The following KAT6B variants were observed in gnomAD, a reference collection of about 807,000 sequenced individuals.
KAT6B encodes histone acetyltransferase KAT6B.
Under a neutral mutation model 187.5 loss-of-function variants are expected in KAT6B, and 10 were observed. That is an observed-to-expected ratio of 0.05 (90% CI 0.03 to 0.09). The LOEUF (loss-of-function observed/expected upper bound fraction) is 0.09. Ranked by LOEUF, KAT6B falls within the 10% of genes least tolerant of loss-of-function variation. The pLI, the probability that KAT6B is intolerant of heterozygous loss-of-function variation, is 1.00. For synonymous variants in KAT6B, 861 were observed against 926.8 expected (o/e 0.93, Z 1.29); for missense variants, 1,952 against 2,558.9 (o/e 0.76, Z 5.12).
intron 3 of KAT6B, among the ~76,000 whole-genome samples, chr10:74,847,919 T>C (rs1220370601): frequency 2.0e-5 from 3 of 149,356 alleles, no homozygotes; most frequent in Non-Finnish European, 4.4e-5. Flanking sequence ...TTTTTCTTTT[T>C]CTTTTTTTTT....
chr10:74,863,709 T>A (rs1346073934), intron 3 of KAT6B, among the ~76,000 whole-genome samples: 1 of 152,218 alleles, frequency 6.6e-6, no homozygotes, highest in African/African-American at 2.4e-5. Context: ...TTGGACATTT[T>A]AAAATGATTA....
intron 1 of KAT6B, among the ~76,000 whole-genome samples, chr10:74,830,770 T>TATATATATA (rs60886313): frequency 2.1e-3 from 20 of 9,630 alleles, no homozygotes; most frequent in African/African-American, 5.4e-3. Context: ...ATATATATAT[T>TATATATATA]TTTTTTTTTT....
At chr10:74,944,844 A>G (rs1056891979) in intron 3 of KAT6B, among the ~76,000 whole-genome samples, 3 of 150,466 alleles carry the variant, frequency 2.0e-5, no homozygotes, top group Non-Finnish European at 4.4e-5. Context: ...GGATATGCAT[A>G]TTAAAATCAC....
In KAT6B at chr10:75,020,662, G is replaced by A. The variant is rs780315857; in HGVS notation, c.2710G>A (p.Ala904Thr). 1 of 1,614,206 alleles carries A rather than the reference G, an allele frequency of 6.2e-7. No homozygotes were observed. The highest frequency in any genetic ancestry group is 8.5e-7 in the Non-Finnish European group (1 of 1,180,026). The change falls in exon 14 of 18, where the codon GCA becomes ACA. Residue 904 changes from alanine to threonine, a missense_variant. Ala to Thr is a moderately conservative substitution (Grantham distance 58). Transcript: ENST00000287239. ...CGATCTGGGCCGTCTCTCCTACCTG[G>A]CATATTGGAAGAGCGTCATCTTGGA... The part of the protein sequence containing the change: ...LSDLGRLSYL[A>T]YWKSVILEYL...
chr10:74,985,304 T>C (rs1842741163), intron 12 of KAT6B, 63 bp downstream of exon 12: 1 of 1,480,136 alleles, frequency 6.8e-7, no homozygotes, highest in African/African-American at 1.4e-5. Context: ...AGAGCCCAAT[T>C]CTTTGAACAG....
intron 10 of KAT6B, among the ~76,000 whole-genome samples, chr10:74,981,110 A>G (rs1358310874): frequency 6.6e-6 from 1 of 152,242 alleles, no homozygotes; most frequent in Non-Finnish European, 1.5e-5. Context: ...CCTTGACAGG[A>G]TGATATCCTT....
chr10:74,862,750 G>A (rs1402984455), intron 3 of KAT6B, among the ~76,000 whole-genome samples: 1 of 152,104 alleles, frequency 6.6e-6, no homozygotes, highest in African/African-American at 2.4e-5. Context: ...TGACTAATAG[G>A]GATGATAATA....
chr10:74,867,064 CATT>C (rs1480276640), intron 3 of KAT6B, among the ~76,000 whole-genome samples: 1 of 152,056 alleles, frequency 6.6e-6, no homozygotes, highest in Non-Finnish European at 1.5e-5. Context: ...TTATCATCAT[CATT>C]ATTATTATTT....
At chr10:74,875,377 C>G (rs1367389724) in intron 3 of KAT6B, among the ~76,000 whole-genome samples, 3 of 151,892 alleles carry the variant, frequency 2.0e-5, no homozygotes, top group African/African-American at 7.3e-5. Context: ...TTAAAGCAAT[C>G]TTGAATAGTG....
intron 3 of KAT6B, among the ~76,000 whole-genome samples, chr10:74,910,409 A>G (rs1053614233): frequency 6.6e-6 from 1 of 152,188 alleles, no homozygotes; most frequent in African/African-American, 2.4e-5. Context: ...TCCTATGTTG[A>G]AGTTTTCAAC....
At position 74,843,024 on chromosome 10, in the gene KAT6B, A is replaced by G. The variant is rs377714508; in HGVS notation, c.167A>G (p.Gln56Arg). 1.2e-6 allele frequency: 2 copies of G among 1,614,122 alleles called. No homozygotes were observed. The highest frequency in any genetic ancestry group is 2.7e-5 in the African/African-American group (2 of 74,942). ...TVSEQLELSV[Q>R]DGSVLKVTNK... ...TCTGAACAGCTGGAACTCAGTGTTC[A>G]GGATGGCTCAGTTCTCAAAGTCACC... is the stretch of plus-strand genomic sequence containing the variant. Residue 56 changes from glutamine to arginine, a missense_variant, in exon 3 of 18, where the codon CAG (glutamine) becomes CGG (arginine). Gln to Arg is a conservative substitution (Grantham distance 43). Coordinates refer to ENST00000287239, the MANE Select transcript of KAT6B (RefSeq NM_012330.4).
chr10:74,927,785 C>A (rs12252173), intron 3 of KAT6B, among the ~76,000 whole-genome samples: 1 of 152,096 alleles, frequency 6.6e-6, no homozygotes, highest in South Asian at 2.1e-4. Flanking sequence ...GATCCTTGCC[C>A]TTGAACCCTA....
intron 13 of KAT6B, among the ~76,000 whole-genome samples, chr10:74,996,768 CAAAAAAAAAAAA>C (rs56042160): frequency 2.6e-5 from 2 of 77,088 alleles, no homozygotes; most frequent in South Asian, 5.4e-4. Context: ...GACTCGGTCT[CAAAAAAAAAAAA>C]AAAAAAAAAG....
chr10:74,843,650 G>A (rs886390852), intron 3 of KAT6B, among the ~76,000 whole-genome samples, 172 bp downstream of exon 3: 1 of 152,144 alleles, frequency 6.6e-6, no homozygotes, highest in Non-Finnish European at 1.5e-5. Flanking sequence ...GCATTGTGTG[G>A]AGGACTTCCT....
chr10:75,028,816 C>T lies in KAT6B; in HGVS notation c.3992C>T (p.Ala1331Val). The T allele has an allele frequency of 1.2e-6, 2 of 1,613,930 alleles. No individual in the cohort carries two copies. The highest frequency in any genetic ancestry group is 1.7e-6 in the Non-Finnish European group (2 of 1,180,006). ...GAAAACAGAAGGGAAGAAACATGTGCCCCTGTAAGTCCAAACACATCACCA... is the reference window on the plus strand; with the variant it reads ...GAAAACAGAAGGGAAGAAACATGTGTCCCTGTAAGTCCAAACACATCACCA... The part of the protein sequence containing the change: ...QEENRREETC[A>V]PVSPNTSPGE... Residue 1331 changes from alanine to valine, a missense_variant, in exon 18 of 18, where the codon GCC becomes GTC. Ala to Val is a moderately conservative substitution (Grantham distance 64, BLOSUM62 0). Transcript: ENST00000287239.
rs142694038 is a variant in KAT6B at position 75,031,371 on chromosome 10, A to G, written c.*325A>G. 382 of 410,602 alleles carry G rather than the reference A, an allele frequency of 9.3e-4. 3 individuals carry two copies. The highest frequency in any genetic ancestry group is 5.1e-3 in the African/African-American group (256 of 50,618). The allele number at this position is 410,602 out of a possible 1,614,324, so 25.4% of individuals were successfully genotyped here. On this transcript the variant is annotated 3_prime_UTR_variant, in exon 18 of 18. Coordinates refer to ENST00000287239, the MANE Select transcript of KAT6B (RefSeq NM_012330.4). The stretch of plus-strand genomic sequence containing the variant: ...CTTCTGTTAAACAATGTGGATATCA[A>G]GCCCCCCCAAATTATCTGTTTTAAT...
At chr10:74,970,481 T>A (rs1841778416) in intron 6 of KAT6B, among the ~76,000 whole-genome samples, 1 of 152,136 alleles carries the variant, frequency 6.6e-6, no homozygotes, top group South Asian at 2.1e-4. Context: ...TTTTTGAGGA[T>A]GATAGTGACT....
intron 3 of KAT6B, among the ~76,000 whole-genome samples, chr10:74,941,302 A>G (rs1273799152): frequency 1.3e-5 from 2 of 152,202 alleles, no homozygotes; most frequent in African/African-American, 4.8e-5. Context: ...TTAGAATAAT[A>G]ATGGTAATGA....
intron 1 of KAT6B, among the ~76,000 whole-genome samples, chr10:74,830,782 T>A (rs1334546683): frequency 1.7e-4 from 12 of 69,240 alleles, no homozygotes; most frequent in African/African-American, 5.1e-4. Context: ...TTTTTTTTTT[T>A]TTTTTTTTTT....
Sources: allele counts gnomAD v4.1 joint callset (sites outside exome capture counted in the v4.1 genomes callset), GRCh38; gene constraint gnomAD v4.1.1; transcripts MANE v1.5; gene names NCBI Gene and HGNC (gene_info 2026-07-23, HGNC 2026-07-21).